The following KIFAP3 variants were observed in gnomAD, a reference collection of about 807,000 sequenced individuals.
The protein encoded by KIFAP3 is kinesin-associated protein 3.
A neutral mutation model predicts 106.5 loss-of-function variants in KIFAP3; 68 were observed. The observed-to-expected ratio is 0.64, with a 90% CI of 0.53 to 0.78. The LOEUF (loss-of-function observed/expected upper bound fraction) is 0.78, where lower values mean the gene tolerates loss of function less well. KIFAP3 is among the 30% of genes least tolerant of loss of function. The pLI, the probability that KIFAP3 is intolerant of heterozygous loss-of-function variation, is 0.00. For missense variants in KIFAP3, 780 were observed against 941.8 expected (o/e 0.83, Z 2.25); for synonymous variants, 320 against 311.5 (o/e 1.03, Z -0.29).
chr1:170,062,235 A>T (rs1442738402), intron 1 of KIFAP3, among the ~76,000 whole-genome samples: 2 of 151,584 alleles, frequency 1.3e-5, no homozygotes, highest in African/African-American at 2.4e-5. Context: ...AAAAAGAAAA[A>T]GAAAATGTGT....
At chr1:170,057,335 A>G (rs1557869854) in intron 1 of KIFAP3, among the ~76,000 whole-genome samples, 6 of 152,106 alleles carry the variant, frequency 3.9e-5, no homozygotes, top group Non-Finnish European at 7.4e-5. Context: ...AAGGAAAAAA[A>G]TGAAATGCCT....
At chr1:169,930,858 C>T (rs1663424508) in intron 19 of KIFAP3, among the ~76,000 whole-genome samples, 1 of 151,910 alleles carries the variant, frequency 6.6e-6, no homozygotes, top group Non-Finnish European at 1.5e-5. Context: ...GTGGTCCCTT[C>T]CAAATTAGCT....
rs562933988 is a variant in KIFAP3, at chr1:169,952,309, T to C, written c.2273+1702A>G. 1.8e-3 allele frequency among the ~76,000 whole-genome samples: 272 copies of C among 152,156 alleles called. 1 individual carries two copies. The highest frequency in any genetic ancestry group is 4.2e-3 in the African/African-American group (176 of 41,564). On this transcript the variant is annotated intron_variant, in intron 19 of 19. Coordinates refer to ENST00000361580, the MANE Select transcript of KIFAP3 (RefSeq NM_014970.4). ...ACTTTGGGTCATGACCATCAGCAAGTTGTAAAATCAATTTAGTGAGTTGCA... is the reference window on the plus strand; with the variant it reads ...ACTTTGGGTCATGACCATCAGCAAGCTGTAAAATCAATTTAGTGAGTTGCA...
intron 1 of KIFAP3, among the ~76,000 whole-genome samples, chr1:170,073,511 T>C (rs973023564): frequency 5.9e-5 from 9 of 152,194 alleles, no homozygotes; most frequent in Admixed American, 2.6e-4. Context: ...CCACCTTACA[T>C]TCATGTTTCA....
intron 10 of KIFAP3, among the ~76,000 whole-genome samples, chr1:169,994,981 A>G (rs138031566): frequency 1.1e-3 from 166 of 152,192 alleles, no homozygotes; most frequent in African/African-American, 3.9e-3. Context: ...TAGGGGTAAG[A>G]ATTTTATTTG....
chr1:169,969,185 T>C (rs924030895), intron 17 of KIFAP3, among the ~76,000 whole-genome samples: 1 of 152,012 alleles, frequency 6.6e-6, no homozygotes, highest in Non-Finnish European at 1.5e-5. Flanking sequence ...CCAACTTGCA[T>C]GCCAATTAAA....
Position 169,982,214 on chromosome 1 carries a change from G to A in KIFAP3, c.1673-117C>T, listed in dbSNP as rs1666559798. Reference sequence around the variant, plus strand: ...TGAAAGCTATTAAATCAAGTCATATGAATCCTTGATATGCTATAAATTTGT... The same window carrying A: ...TGAAAGCTATTAAATCAAGTCATATAAATCCTTGATATGCTATAAATTTGT... On this transcript the variant is annotated intron_variant, in intron 14 of 19. Coordinates refer to ENST00000361580, the MANE Select transcript of KIFAP3 (RefSeq NM_014970.4). The A allele has an allele frequency of 3.3e-5, 35 of 1,069,646 alleles. No homozygotes were observed. In the South Asian group the frequency reaches 5.1e-4, roughly 16 times the overall value. The allele number at this position is 1,069,646 out of a possible 1,614,324, so 66.3% of individuals were successfully genotyped here.
chr1:170,061,295 T>A (rs1480979356), intron 1 of KIFAP3, among the ~76,000 whole-genome samples: 1 of 150,012 alleles, frequency 6.7e-6, no homozygotes, highest in Admixed American at 6.7e-5. Context: ...GAATCTACAA[T>A]GAACTTAAAC....
chr1:170,081,273 C>T (rs1672016446), intron 1 of KIFAP3, among the ~76,000 whole-genome samples: 1 of 152,134 alleles, frequency 6.6e-6, no homozygotes, highest in Non-Finnish European at 1.5e-5. Flanking sequence ...ACATCTCTAG[C>T]TAATAAGCAC....
chr1:170,038,863 T>A (rs961278472), intron 4 of KIFAP3, among the ~76,000 whole-genome samples: 7 of 152,072 alleles, frequency 4.6e-5, no homozygotes, highest in African/African-American at 1.7e-4. Context: ...GATGGGCAGA[T>A]CACGAGGTCA....
chr1:170,039,196 C>T (rs751360095), intron 4 of KIFAP3, 37 bp downstream of exon 4: 2 of 1,250,774 alleles, frequency 1.6e-6, no homozygotes, highest in Non-Finnish European at 2.3e-6. Context: ...ATCTTATAAT[C>T]CAGTCCTCTA....
chr1:170,041,437 T>C (rs1205927340), intron 3 of KIFAP3, among the ~76,000 whole-genome samples: 1 of 152,098 alleles, frequency 6.6e-6, no homozygotes, highest in Non-Finnish European at 1.5e-5. Flanking sequence ...AGCCCAGGAG[T>C]TTGAGACTAG....
chr1:169,993,183 CT>C (rs1667186155), intron 10 of KIFAP3, among the ~76,000 whole-genome samples: 1 of 150,582 alleles, frequency 6.6e-6, no homozygotes, highest in Non-Finnish European at 1.5e-5. Context: ...TCTTGGCTCA[CT>C]GCAACCTCCA....
chr1:170,011,913 T>C (rs1361818169), intron 10 of KIFAP3, among the ~76,000 whole-genome samples: 2 of 152,096 alleles, frequency 1.3e-5, no homozygotes, highest in Non-Finnish European at 2.9e-5. Context: ...TCTAGTAATA[T>C]CATGAAATCA....
chr1:169,926,970 TTACTTCTTCA>T (rs1438513746), intron 19 of KIFAP3, among the ~76,000 whole-genome samples: 1 of 152,168 alleles, frequency 6.6e-6, no homozygotes, highest in Non-Finnish European at 1.5e-5. Context: ...CTGTATGAAA[TTACTTCTTCA>T]TAATTTTTTG....
At chr1:169,942,576 G>C (rs1249503248) in intron 19 of KIFAP3, among the ~76,000 whole-genome samples, 1 of 152,240 alleles carries the variant, frequency 6.6e-6, no homozygotes, top group East Asian at 1.9e-4. Flanking sequence ...CAAATATGCA[G>C]TTGGCTGTGG....
chr1:170,032,353 AT>A (rs1471820789), intron 7 of KIFAP3: 1 of 157,466 alleles, frequency 6.4e-6, no homozygotes. Context: ...AACCAAAAAA[AT>A]TACTGCCTCA....
intron 1 of KIFAP3, among the ~76,000 whole-genome samples, chr1:170,057,355 T>C (rs1309699479): frequency 6.6e-6 from 1 of 152,244 alleles, no homozygotes; most frequent in East Asian, 1.9e-4. Context: ...TCACCACTCC[T>C]TTTTAGTTTT....
At chr1:170,060,709 C>A (rs1277668148) in intron 1 of KIFAP3, among the ~76,000 whole-genome samples, 1 of 152,134 alleles carries the variant, frequency 6.6e-6, no homozygotes, top group Non-Finnish European at 1.5e-5. Context: ...CCAAGTCAAT[C>A]CTAAGCCAAA....
Sources: gnomAD v4.1 joint callset for allele counts (sites outside exome capture counted in the v4.1 genomes callset) on GRCh38, gnomAD v4.1.1 for gene constraint, MANE v1.5 for transcripts, NCBI Gene and HGNC (gene_info 2026-07-23, HGNC 2026-07-21) for gene names.